The following RSPO2 variants were observed in gnomAD, a reference collection of about 807,000 sequenced individuals.
RSPO2 encodes the protein R-spondin-2.
Under a neutral mutation model 30.9 loss-of-function variants are expected in RSPO2, and 14 were observed. The observed-to-expected ratio is 0.45, with a 90% confidence interval of 0.30 to 0.71. The LOEUF is 0.71. RSPO2 is among the 30% of genes least tolerant of loss of function. The pLI is 0.08. For missense variants in RSPO2, 264 were observed against 301.9 expected, an observed-to-expected ratio of 0.87 and a Z score of 0.93; for synonymous variants, 107 against 96.4, an observed-to-expected ratio of 1.11 and a Z score of -0.64.
At chr8:107,923,336 T>C (rs1409620550) in intron 5 of RSPO2, among the ~76,000 whole-genome samples, 1 of 151,650 alleles carries the variant, frequency 6.6e-6, no homozygotes, top group African/African-American at 2.4e-5. Context: ...ACATCACTGA[T>C]TAAACAAATG....
chr8:107,993,521 C>T (rs1814919445), intron 2 of RSPO2, among the ~76,000 whole-genome samples: 1 of 152,022 alleles, frequency 6.6e-6, no homozygotes, highest in Admixed American at 6.6e-5. Flanking sequence ...AAGGCAGGCA[C>T]GGCTAATCTG....
intron 3 of RSPO2, among the ~76,000 whole-genome samples, chr8:107,987,365 C>G (rs1489283920): frequency 6.6e-6 from 1 of 152,152 alleles, no homozygotes; most frequent in Non-Finnish European, 1.5e-5. Context: ...CTACTCAGTA[C>G]CCTTAGATAA....
intron 5 of RSPO2, among the ~76,000 whole-genome samples, chr8:107,912,911 A>G (rs1331130241): frequency 1.3e-5 from 2 of 152,210 alleles, no homozygotes; most frequent in Non-Finnish European, 2.9e-5. Flanking sequence ...CCAAGTACCA[A>G]GTGCTGAGCA....
chr8:107,986,291 C>T (rs1215545066), intron 3 of RSPO2, among the ~76,000 whole-genome samples: 1 of 152,320 alleles, frequency 6.6e-6, no homozygotes, highest in Middle Eastern at 3.4e-3. Flanking sequence ...TCACTTTGCT[C>T]TAATGGGGTC....
At chr8:108,061,848 G>A (rs1812477178) in intron 2 of RSPO2, among the ~76,000 whole-genome samples, 1 of 151,860 alleles carries the variant, frequency 6.6e-6, no homozygotes, top group South Asian at 2.1e-4. Flanking sequence ...TCAGACCACA[G>A]TGCAATCAAA....
At chr8:107,939,250 G>C (rs1011082515) in intron 5 of RSPO2, among the ~76,000 whole-genome samples, 1 of 151,766 alleles carries the variant, frequency 6.6e-6, no homozygotes, top group Non-Finnish European at 1.5e-5. Flanking sequence ...TCAGAAACTT[G>C]AAACCTCCCA....
intron 2 of RSPO2, among the ~76,000 whole-genome samples, chr8:108,008,871 A>C (rs1011855731): frequency 1.3e-5 from 2 of 151,980 alleles, no homozygotes; most frequent in African/African-American, 4.8e-5. Context: ...AGAAAAGGTC[A>C]TTGAAACATA....
chr8:108,025,489 C>T (rs1163613302), intron 2 of RSPO2, among the ~76,000 whole-genome samples: 2 of 152,130 alleles, frequency 1.3e-5, no homozygotes, highest in Non-Finnish European at 2.9e-5. Flanking sequence ...ATCTATACTG[C>T]TATAAATAAG....
chr8:107,945,902 A>G (rs984690975), intron 5 of RSPO2, among the ~76,000 whole-genome samples: 1 of 152,164 alleles, frequency 6.6e-6, no homozygotes, highest in Admixed American at 6.5e-5. Flanking sequence ...TTTCAATTTT[A>G]CCACCTAGAT....
intron 2 of RSPO2, among the ~76,000 whole-genome samples, chr8:108,021,309 T>A (rs747556552): frequency 3.3e-5 from 5 of 152,150 alleles, no homozygotes; most frequent in Non-Finnish European, 5.9e-5. Flanking sequence ...TAAATGAACT[T>A]TTTTCTCAAA....
intron 5 of RSPO2, among the ~76,000 whole-genome samples, chr8:107,936,700 T>C (rs543172217): frequency 6.6e-6 from 1 of 152,266 alleles, no homozygotes; most frequent in African/African-American, 2.4e-5. Flanking sequence ...TTTTACATGT[T>C]TTTAACTTGT....
At chr8:107,918,354 G>T (rs755970390) in intron 5 of RSPO2, among the ~76,000 whole-genome samples, 11 of 152,252 alleles carry the variant, frequency 7.2e-5, no homozygotes, top group Non-Finnish European at 1.6e-4. Context: ...ATAAAAATCT[G>T]TTTTCTTTGT....
intron 5 of RSPO2, among the ~76,000 whole-genome samples, chr8:107,937,267 T>C (rs1344703671): frequency 1.3e-5 from 2 of 152,004 alleles, no homozygotes; most frequent in African/African-American, 2.4e-5. Flanking sequence ...CCCCAGTGTA[T>C]GTTGTTAGCA....
intron 2 of RSPO2, among the ~76,000 whole-genome samples, chr8:108,010,622 C>T (rs563358743): frequency 6.6e-6 from 1 of 152,084 alleles, no homozygotes; most frequent in Non-Finnish European, 1.5e-5. Flanking sequence ...GAACAGAGCC[C>T]TCATGAATGT....
chr8:108,072,749 A>C (rs1812898778), intron 2 of RSPO2, among the ~76,000 whole-genome samples: 1 of 152,118 alleles, frequency 6.6e-6, no homozygotes, highest in Admixed American at 6.5e-5. Flanking sequence ...AAAAATAACA[A>C]CAACAACTTT....
At chr8:107,960,583 CTTAGT>C (rs2130440477) in intron 4 of RSPO2, 86 bp downstream of exon 4, 3 of 1,242,322 alleles carry the variant, frequency 2.4e-6, no homozygotes, top group East Asian at 2.4e-5. Flanking sequence ...CAATTTGTTT[CTTAGT>C]TTAAATATAT....
At chr8:107,949,260 GT>G (rs1441001526) in intron 5 of RSPO2, among the ~76,000 whole-genome samples, 1 of 152,010 alleles carries the variant, frequency 6.6e-6, no homozygotes, top group Non-Finnish European at 1.5e-5. Flanking sequence ...ACAATATCTG[GT>G]TTTTTGTTTC....
At chr8:107,915,701 T>C (rs544462578) in intron 5 of RSPO2, among the ~76,000 whole-genome samples, 1 of 152,136 alleles carries the variant, frequency 6.6e-6, no homozygotes, top group Non-Finnish European at 1.5e-5. Flanking sequence ...TCACATTCGG[T>C]GAGCCCTGAA....
intron 5 of RSPO2, among the ~76,000 whole-genome samples, chr8:107,912,325 T>A (rs1337457923): frequency 6.6e-6 from 1 of 152,178 alleles, no homozygotes; most frequent in Non-Finnish European, 1.5e-5. Flanking sequence ...CATGCAATTC[T>A]AGAGCATAAA....
Sources: gnomAD v4.1 joint callset for allele counts (sites outside exome capture counted in the v4.1 genomes callset) on GRCh38, gnomAD v4.1.1 for gene constraint, MANE v1.5 for transcripts, NCBI Gene and HGNC (gene_info 2026-07-23, HGNC 2026-07-21) for gene names.